The following SLC4A4 variants were observed in gnomAD, a reference collection of about 807,000 sequenced individuals.
SLC4A4 encodes solute carrier family 4 member 4, also known as electrogenic sodium bicarbonate cotransporter 1.
SLC4A4 carries 27 observed loss-of-function variants against 111.5 expected under a neutral mutation model. The observed-to-expected ratio is 0.24, with a 90% CI of 0.18 to 0.33. The LOEUF (loss-of-function observed/expected upper bound fraction) is 0.33. Among genes scored for constraint, SLC4A4 ranks in the 10% least tolerant of loss-of-function variants. The probability of loss-of-function intolerance (pLI) is 1.00; values close to 1 mark genes in which losing one functional copy is unlikely to be tolerated. For missense variants in SLC4A4, 909 were observed against 1,315.5 expected, an observed-to-expected ratio of 0.69 and a Z score of 4.78; for synonymous variants, 443 against 463.4, an observed-to-expected ratio of 0.96 and a Z score of 0.57.
At chr4:71,103,240 A>C (rs1292202902) in intron 2 of SLC4A4, among the ~76,000 whole-genome samples, 2 of 150,754 alleles carry the variant, frequency 1.3e-5, no homozygotes, top group East Asian at 3.9e-4. Flanking sequence ...ATATATATGC[A>C]CCCAATACAG....
intron 2 of SLC4A4, among the ~76,000 whole-genome samples, chr4:71,101,436 T>G (rs559407950): frequency 6.6e-6 from 1 of 152,232 alleles, no homozygotes; most frequent in Admixed American, 6.5e-5. Context: ...TCAATTATAT[T>G]AATTATATTC....
chr4:71,512,430 G>A (rs1016680346), intron 16 of SLC4A4, among the ~76,000 whole-genome samples: 2 of 152,076 alleles, frequency 1.3e-5, no homozygotes, highest in Non-Finnish European at 2.9e-5. Context: ...CCTGTTGGCT[G>A]TTACTGTGTC....
chr4:71,087,685 G>T (rs1026005308), intron 1 of SLC4A4, among the ~76,000 whole-genome samples: 5 of 152,034 alleles, frequency 3.3e-5, no homozygotes, highest in African/African-American at 9.7e-5. Flanking sequence ...TCAGGAGCAG[G>T]TTGTTCAGTT....
chr4:71,199,825 A>C (rs566547592), intron 1 of SLC4A4, among the ~76,000 whole-genome samples: 2 of 152,058 alleles, frequency 1.3e-5, no homozygotes, highest in East Asian at 1.9e-4. Context: ...TATGTTTTGA[A>C]TTTTTAGTAG....
At chr4:71,321,144 C>G (rs1035369712) in intron 3 of SLC4A4, among the ~76,000 whole-genome samples, 1 of 151,960 alleles carries the variant, frequency 6.6e-6, no homozygotes, top group African/African-American at 2.4e-5. Context: ...TTAGCCAGCC[C>G]ACATACCCAC....
intron 5 of SLC4A4, among the ~76,000 whole-genome samples, chr4:71,353,298 C>T (rs1487446509): frequency 1.2e-4 from 18 of 152,290 alleles, no homozygotes; most frequent in Non-Finnish European, 1.5e-5. Context: ...AATATGTTTG[C>T]TCTGCAGTTC....
At chr4:71,476,458 A>G (rs1228386904) in intron 14 of SLC4A4, among the ~76,000 whole-genome samples, 5 of 151,772 alleles carry the variant, frequency 3.3e-5, no homozygotes, top group Non-Finnish European at 4.4e-5. Context: ...GACAGTATGT[A>G]ACAGTGAACC....
At chr4:71,327,194 A>G (rs1248842194) in intron 3 of SLC4A4, among the ~76,000 whole-genome samples, 3 of 152,190 alleles carry the variant, frequency 2.0e-5, no homozygotes, top group Non-Finnish European at 4.4e-5. Flanking sequence ...CCAAAAGGGT[A>G]CATTCGCAAA....
intron 1 of SLC4A4, among the ~76,000 whole-genome samples, chr4:71,229,282 C>A (rs550213426): frequency 2.7e-4 from 41 of 152,218 alleles, no homozygotes; most frequent in East Asian, 1.9e-3. Context: ...TATGGATGTA[C>A]CATAGTTTAA....
At chr4:71,091,250 GA>G (rs201524189) in intron 1 of SLC4A4, among the ~76,000 whole-genome samples, 14 of 118,730 alleles carry the variant, frequency 1.2e-4, no homozygotes, top group African/African-American at 3.9e-4. Flanking sequence ...GCCTGGCCTT[GA>G]AATTTTTTTT....
At chr4:71,088,489 C>T (rs1324296721) in intron 1 of SLC4A4, among the ~76,000 whole-genome samples, 2 of 152,048 alleles carry the variant, frequency 1.3e-5, no homozygotes, top group African/African-American at 4.8e-5. Flanking sequence ...GATGCAGTTT[C>T]TTCCTAGCCT....
chr4:71,332,940 T>C (rs935245914), intron 3 of SLC4A4, among the ~76,000 whole-genome samples: 13 of 152,192 alleles, frequency 8.5e-5, no homozygotes, highest in South Asian at 2.1e-4. Flanking sequence ...TTGAATTTCA[T>C]TGAGCTTCCG....
intron 3 of SLC4A4, among the ~76,000 whole-genome samples, chr4:71,336,073 C>T (rs1728414325): frequency 2.0e-5 from 3 of 152,112 alleles, no homozygotes; most frequent in South Asian, 4.1e-4. Flanking sequence ...GAAGATAAAG[C>T]CTGTTAAGCC....
At chr4:71,236,449 A>C (rs897972594) in intron 1 of SLC4A4, 127 bp from the exon 2 acceptor site, 3 of 863,068 alleles carry the variant, frequency 3.5e-6, no homozygotes, top group Non-Finnish European at 5.5e-6. Context: ...ACACCAGAAG[A>C]AGAGTGACTC....
At chr4:71,369,955 A>T (rs1304293002) in intron 6 of SLC4A4, among the ~76,000 whole-genome samples, 1 of 152,248 alleles carries the variant, frequency 6.6e-6, no homozygotes, top group Non-Finnish European at 1.5e-5. Flanking sequence ...TTGTGAGAAC[A>T]TACCCTTGGT....
intron 1 of SLC4A4, among the ~76,000 whole-genome samples, chr4:71,202,874 A>G (rs958279055): frequency 4.5e-4 from 69 of 152,280 alleles, no homozygotes; most frequent in African/African-American, 1.4e-3. Flanking sequence ...TTAGACATTA[A>G]CCTTGTTTCT....
At chr4:71,069,917 CA>C (rs1741623695) in intron 1 of SLC4A4, among the ~76,000 whole-genome samples, 2 of 151,958 alleles carry the variant, frequency 1.3e-5, no homozygotes, top group South Asian at 4.2e-4. Context: ...TTATGCTTTC[CA>C]AATGTCTCAA....
At chr4:71,455,502 T>A (rs533711906) in intron 12 of SLC4A4, among the ~76,000 whole-genome samples, 1 of 151,972 alleles carries the variant, frequency 6.6e-6, no homozygotes, top group East Asian at 1.9e-4. Flanking sequence ...AGAAAAAAAA[T>A]GGAGAAGATG....
upstream of SLC4A4, among the ~76,000 whole-genome samples, chr4:71,184,180 AT>A (rs1745383684): frequency 3.3e-5 from 5 of 152,320 alleles, no homozygotes; most frequent in South Asian, 1.0e-3. Flanking sequence ...TTCTATGCTA[AT>A]AATCCTATCT....
Sources: allele counts gnomAD v4.1 joint callset (sites outside exome capture counted in the v4.1 genomes callset), GRCh38; gene constraint gnomAD v4.1.1; transcripts MANE v1.5; gene names NCBI Gene and HGNC (gene_info 2026-07-23, HGNC 2026-07-21).